The following MAK variants were observed in gnomAD, a reference collection of about 807,000 sequenced individuals.
MAK encodes serine/threonine-protein kinase MAK.
MAK carries 65 observed loss-of-function variants against 82.6 expected under a neutral mutation model. The observed-to-expected ratio is 0.79, with a 90% confidence interval of 0.64 to 0.97. The LOEUF (loss-of-function observed/expected upper bound fraction) is 0.97, where lower values mean the gene tolerates loss of function less well. Among genes scored for constraint, MAK ranks in the 50% least tolerant of loss-of-function variants. The pLI is 0.00. For missense variants in MAK, 703 were observed against 780.2 expected (o/e 0.90, Z 1.18); for synonymous variants, 250 against 274.2 (o/e 0.91, Z 0.87).
chr6:10,795,688 G>A (rs1233453752), intron 9 of MAK, among the ~76,000 whole-genome samples: 2 of 152,158 alleles, frequency 1.3e-5, no homozygotes, highest in African/African-American at 4.8e-5. Context: ...AGATTGCAGT[G>A]AGCTAAGGTC....
At chr6:10,829,609 A>G (rs1339251286) in intron 2 of MAK, among the ~76,000 whole-genome samples, 1 of 152,218 alleles carries the variant, frequency 6.6e-6, no homozygotes, top group Non-Finnish European at 1.5e-5. Context: ...TAAATTTGGA[A>G]GAACATTCCA....
At chr6:10,795,971 T>C (rs1335736567) in intron 9 of MAK, 27 bp downstream of exon 9, 1 of 1,607,628 alleles carries the variant, frequency 6.2e-7, no homozygotes, top group South Asian at 1.1e-5. Context: ...AACTATTTCA[T>C]TGCAAGTGTC....
intron 2 of MAK, among the ~76,000 whole-genome samples, chr6:10,830,124 CGTGTGTGTGTGTGTGTGTGTGT>C (rs35519970): frequency 7.1e-6 from 1 of 141,498 alleles, no homozygotes; most frequent in Non-Finnish European, 1.5e-5. Context: ...CCTGTGTGCA[CGTGTGTGTGTGTGTGTGTGTGT>C]GTGTGTGTGT....
At chr6:10,783,201 A>G (rs1774165216) in intron 11 of MAK, among the ~76,000 whole-genome samples, 1 of 151,846 alleles carries the variant, frequency 6.6e-6, no homozygotes, top group South Asian at 2.1e-4. Flanking sequence ...ATACAGGACG[A>G]TTTAAAAATG....
chr6:10,832,269 C>A (rs77619774), intron 1 of MAK, among the ~76,000 whole-genome samples: 5,171 of 152,298 alleles, frequency 0.034, 272 homozygotes, highest in African/African-American at 0.12. Flanking sequence ...AGTGCCCAGT[C>A]AAGAACAAAG....
At position 10,782,251 on chromosome 6, in the gene MAK, G is replaced by C. The variant is rs796862777; in HGVS notation, c.1465+2173C>G. On this transcript the variant is annotated intron_variant, in intron 11 of 14. Coordinates refer to ENST00000354489, the MANE Select transcript of MAK (RefSeq NM_001242957.3). ...ACACACACACACACACACACACACA[G>C]ACACACACCAAAACTATTTAACCTA... 5.9e-3 allele frequency among the ~76,000 whole-genome samples: 626 copies of C among 106,046 alleles called. 5 individuals carry two copies. Among genetic ancestry groups the C allele is most frequent in the African/African-American group, 0.019 (556 of 28,652 alleles). 69.6% of individuals were successfully genotyped at this position (106,046 alleles called of 152,430 possible).
chr6:10,837,879 G>A (rs1430292924), intron 1 of MAK: 2 of 152,256 alleles, frequency 1.3e-5, no homozygotes, highest in Admixed American at 1.3e-4. Flanking sequence ...GTGGTGGAAG[G>A]AGGGGGCGTC....
intron 10 of MAK, among the ~76,000 whole-genome samples, chr6:10,786,330 G>A (rs1239461637): frequency 6.6e-6 from 1 of 152,148 alleles, no homozygotes; most frequent in Non-Finnish European, 1.5e-5. Context: ...TCTTTATGGG[G>A]AGGCCCTGGC....
intron 8 of MAK, among the ~76,000 whole-genome samples, chr6:10,799,864 A>T (rs9461207): frequency 0.036 from 5,482 of 151,922 alleles, 297 homozygotes; most frequent in African/African-American, 0.12. Flanking sequence ...CCTGACCAAC[A>T]AGGTGAAACC....
intron 9 of MAK, among the ~76,000 whole-genome samples, chr6:10,792,474 A>T (rs566050112): frequency 6.6e-6 from 1 of 152,236 alleles, no homozygotes; most frequent in South Asian, 2.1e-4. Flanking sequence ...AGTTTTTGTC[A>T]TAAGTCCCTG....
intron 5 of MAK, among the ~76,000 whole-genome samples, chr6:10,809,866 G>A (rs1490733406): frequency 2.0e-5 from 3 of 152,084 alleles, no homozygotes; most frequent in Non-Finnish European, 4.4e-5. Context: ...TTGGGAGGCC[G>A]AGGTAGGTGG....
At chr6:10,821,621 C>T (rs529071144) in intron 2 of MAK, among the ~76,000 whole-genome samples, 42 of 152,030 alleles carry the variant, frequency 2.8e-4, no homozygotes, top group Non-Finnish European at 4.7e-4. Flanking sequence ...AATAAAAATA[C>T]GTTCAAGTTA....
At chr6:10,789,664 C>A (rs887213641) in intron 10 of MAK, among the ~76,000 whole-genome samples, 1 of 151,916 alleles carries the variant, frequency 6.6e-6, no homozygotes, top group African/African-American at 2.4e-5. Flanking sequence ...TCAAAAATAT[C>A]TTTTTTTTGT....
rs1772107861 is a variant in MAK at position 10,763,295 on chromosome 6, G to A, written c.*1157C>T. On this transcript the variant is annotated 3_prime_UTR_variant, in exon 15 of 15. Coordinates refer to ENST00000354489, the MANE Select transcript of MAK (RefSeq NM_001242957.3). ...GCACACTTCATCTTTGTGTCTGGTA[G>A]GGACACAGAAACAAAACAATTTGAA... is the stretch of plus-strand genomic sequence containing the variant. 1 of 152,266 alleles carries A rather than the reference G, an allele frequency of 6.6e-6. No homozygotes were observed. The highest frequency in any genetic ancestry group is 1.5e-5 in the Non-Finnish European group (1 of 68,046). 9.4% of individuals were successfully genotyped at this position (152,266 alleles called of 1,614,324 possible). A position where few individuals can be genotyped will look rare whatever the true frequency, so the allele number is the denominator to read the frequency against.
intron 4 of MAK, among the ~76,000 whole-genome samples, chr6:10,815,521 A>G (rs1370117766): frequency 6.6e-6 from 1 of 151,980 alleles, no homozygotes; most frequent in Non-Finnish European, 1.5e-5. Flanking sequence ...TACTTGGGGC[A>G]CCGAGGCAGG....
At chr6:10,810,352 T>C (rs1244325406) in intron 5 of MAK, among the ~76,000 whole-genome samples, 1 of 142,992 alleles carries the variant, frequency 7.0e-6, no homozygotes, top group South Asian at 2.1e-4. Context: ...TTTCTTTTTT[T>C]TTTTTTTTTT....
intron 13 of MAK, among the ~76,000 whole-genome samples, chr6:10,771,583 C>A (rs1045929605): frequency 3.5e-4 from 54 of 152,208 alleles, no homozygotes; most frequent in African/African-American, 1.3e-3. Flanking sequence ...GTTCAGTAAA[C>A]AGTGTTTTCT....
intron 6 of MAK, among the ~76,000 whole-genome samples, chr6:10,807,092 T>C (rs560365752): frequency 2.0e-5 from 3 of 152,070 alleles, no homozygotes; most frequent in South Asian, 4.1e-4. Flanking sequence ...TGCCCTTGTT[T>C]CCTACGACTG....
intron 2 of MAK, among the ~76,000 whole-genome samples, chr6:10,827,370 A>G (rs982947773): frequency 3.3e-5 from 5 of 152,054 alleles, no homozygotes; most frequent in Non-Finnish European, 7.4e-5. Flanking sequence ...ATAATAAAGT[A>G]TTTCTTTGTG....
Sources: gnomAD v4.1 joint callset for allele counts (sites outside exome capture counted in the v4.1 genomes callset) on GRCh38, gnomAD v4.1.1 for gene constraint, MANE v1.5 for transcripts, NCBI Gene and HGNC (gene_info 2026-07-23, HGNC 2026-07-21) for gene names.